The following UBXN7 variants were observed in gnomAD, a reference collection of about 807,000 sequenced individuals.
UBXN7 encodes UBX domain-containing protein 7.
UBXN7 carries 9 observed loss-of-function variants against 58.0 expected under a neutral mutation model. That is an observed-to-expected ratio of 0.16 (90% CI 0.09 to 0.27). The LOEUF (loss-of-function observed/expected upper bound fraction) is 0.27, where lower values mean the gene tolerates loss of function less well. UBXN7 is among the 10% of genes least tolerant of loss of function. The pLI is 1.00. For synonymous variants in UBXN7, 208 were observed against 205.0 expected, an observed-to-expected ratio of 1.01 and a Z score of -0.12; for missense variants, 328 against 599.6, an observed-to-expected ratio of 0.55 and a Z score of 4.73.
intron 8 of UBXN7, among the ~76,000 whole-genome samples, chr3:196,364,090 T>C (rs1027464504): frequency 1.3e-5 from 2 of 152,218 alleles, no homozygotes; most frequent in African/African-American, 4.8e-5. Context: ...ATTCTTCAAC[T>C]AGTAATTCCA....
chr3:196,413,323 A>T (rs1255759469), intron 1 of UBXN7, among the ~76,000 whole-genome samples: 1 of 152,086 alleles, frequency 6.6e-6, no homozygotes, highest in Non-Finnish European at 1.5e-5. Context: ...GGGCAACAAG[A>T]GCGAAACTCT....
chr3:196,385,476 G>A (rs948781852), intron 5 of UBXN7, among the ~76,000 whole-genome samples: 19 of 151,750 alleles, frequency 1.3e-4, no homozygotes, highest in Non-Finnish European at 2.2e-4. Context: ...CATCTAGGAA[G>A]TGAGGAGCGT....
intron 5 of UBXN7, among the ~76,000 whole-genome samples, chr3:196,374,780 T>G (rs1238039217): frequency 6.9e-6 from 1 of 144,494 alleles, no homozygotes; most frequent in Non-Finnish European, 1.5e-5. Flanking sequence ...CTCAGGAGAC[T>G]GAGGCAGAAT....
Position 196,387,496 on chromosome 3 carries a change from CAGG to C in UBXN7, c.468+4314_468+4316del, listed in dbSNP as rs201574429. The stretch of plus-strand genomic sequence containing the variant: ...CAAAAGAAACTACCATTAGAGTGAA[CAGG>C]CAACCTACAGAATGGGAAAAAATTT... On this transcript the variant is annotated intron_variant, in intron 5 of 10. Transcript: ENST00000296328. Among the ~76,000 whole-genome samples, 999 of 152,252 alleles carry C rather than the reference CAGG, an allele frequency of 6.6e-3. 7 individuals carry two copies. Among genetic ancestry groups the C allele is most frequent in the Non-Finnish European group, 1.0e-2 (677 of 68,014 alleles).
In UBXN7 at chr3:196,349,808, T is replaced by A. The variant is rs1188661963; in HGVS notation, c.*6877A>T. 1 of 152,240 alleles carries A rather than the reference T, an allele frequency of 6.6e-6. No individual in the cohort carries two copies. The highest frequency in any genetic ancestry group is 1.5e-5 in the Non-Finnish European group (1 of 68,042). The allele number at this position is 152,240 out of a possible 1,614,324, so 9.4% of individuals were successfully genotyped here. On this transcript the variant is annotated 3_prime_UTR_variant, in exon 11 of 11. Coordinates refer to ENST00000296328, the MANE Select transcript of UBXN7 (RefSeq NM_015562.2). Reference sequence around the variant, plus strand: ...GATTTGATATGTTTCCCATTTATCATGTCTAAAAAATGAATGACTCATGCT... The same window carrying A: ...GATTTGATATGTTTCCCATTTATCAAGTCTAAAAAATGAATGACTCATGCT...
chr3:196,398,516 ATC>A (rs1313499563), intron 3 of UBXN7, among the ~76,000 whole-genome samples: 2 of 152,224 alleles, frequency 1.3e-5, no homozygotes, highest in African/African-American at 4.8e-5. Context: ...TTTAAAAATC[ATC>A]TGTTTCATGT....
intron 10 of UBXN7, among the ~76,000 whole-genome samples, chr3:196,358,499 G>T (rs1048290542): frequency 6.6e-6 from 1 of 152,170 alleles, no homozygotes; most frequent in African/African-American, 2.4e-5. Context: ...ACTTTGGGAG[G>T]CTGGGGAAGG....
intron 1 of UBXN7, chr3:196,423,419 C>T: frequency 3.7e-6 from 1 of 271,842 alleles, no homozygotes; most frequent in Non-Finnish European, 7.6e-6. Context: ...CTGGCCCCCT[C>T]ATCCGCTCCA....
rs1728169295 is a variant in UBXN7 at position 196,349,717 on chromosome 3, G to GA, written c.*6967dup. 6.6e-6 allele frequency: 1 copy of GA among 152,032 alleles called. No individual in the cohort carries two copies. Among genetic ancestry groups the GA allele is most frequent in the East Asian group, 1.9e-4 (1 of 5,190 alleles). The allele number at this position is 152,032 out of a possible 1,614,324, so 9.4% of individuals were successfully genotyped here. On this transcript the variant is annotated 3_prime_UTR_variant, in exon 11 of 11. Transcript: ENST00000296328. ...GTTAAGAGTTCCATACTGAGTCTAT[G>GA]AAAAAAGCAAATTAAAAAGATTTTA...
intron 1 of UBXN7, among the ~76,000 whole-genome samples, chr3:196,414,946 GAAGGA>G (rs1730435640): frequency 6.6e-6 from 1 of 152,032 alleles, no homozygotes; most frequent in South Asian, 2.1e-4. Flanking sequence ...GCAACTTTTT[GAAGGA>G]AAGGAAAAGT....
chr3:196,394,605 A>G (rs549927904), intron 3 of UBXN7, among the ~76,000 whole-genome samples: 1 of 143,708 alleles, frequency 7.0e-6, no homozygotes, highest in South Asian at 2.1e-4. Flanking sequence ...CTCCGTCTCA[A>G]AAAAAAAAAA....
At chr3:196,374,941 GGAA>G (rs1728956404) in intron 5 of UBXN7, among the ~76,000 whole-genome samples, 1 of 18,036 alleles carries the variant, frequency 5.5e-5, no homozygotes, top group Non-Finnish European at 1.0e-4. Flanking sequence ...GAAGAAGGAA[GGAA>G]GGAAAGAAAG....
At chr3:196,416,239 A>C (rs1179983452) in intron 1 of UBXN7, 1 of 152,198 alleles carries the variant, frequency 6.6e-6, no homozygotes, top group African/African-American at 2.4e-5. Context: ...CAGGAGTTCA[A>C]GACCAGCCTG....
intron 6 of UBXN7, among the ~76,000 whole-genome samples, chr3:196,370,230 A>C (rs1020471632): frequency 2.0e-5 from 3 of 151,250 alleles, no homozygotes; most frequent in Non-Finnish European, 1.5e-5. Context: ...TGAGGCCAGG[A>C]GTTTGAGACC....
chr3:196,410,878 G>C (rs1730303707), intron 1 of UBXN7, among the ~76,000 whole-genome samples: 2 of 151,560 alleles, frequency 1.3e-5, no homozygotes, highest in South Asian at 4.2e-4. Flanking sequence ...ATAAATTCAA[G>C]TCTTTATGAT....
intron 5 of UBXN7, among the ~76,000 whole-genome samples, chr3:196,385,913 G>C (rs904176721): frequency 6.6e-6 from 1 of 152,198 alleles, no homozygotes. Context: ...CCATGATGAC[G>C]ATGGTGGTTT....
intron 10 of UBXN7, 41 bp downstream of exon 10, chr3:196,361,803 T>C (rs917314542): frequency 4.5e-6 from 7 of 1,555,398 alleles, no homozygotes; most frequent in South Asian, 1.2e-5. Context: ...ACTCGTCTTA[T>C]TGCAGTGGTC....
intron 10 of UBXN7, among the ~76,000 whole-genome samples, chr3:196,361,571 T>C (rs1486399530): frequency 1.3e-5 from 2 of 152,156 alleles, no homozygotes; most frequent in African/African-American, 4.8e-5. Flanking sequence ...ACTGCCACAG[T>C]ACCCATCACC....
chr3:196,406,429 C>T (rs1730164742), intron 2 of UBXN7, among the ~76,000 whole-genome samples: 1 of 151,780 alleles, frequency 6.6e-6, no homozygotes, highest in African/African-American at 2.4e-5. Flanking sequence ...AGAAAAAACT[C>T]TACACAATAT....
Sources: gnomAD v4.1 joint callset for allele counts (sites outside exome capture counted in the v4.1 genomes callset) on GRCh38, gnomAD v4.1.1 for gene constraint, MANE v1.5 for transcripts, NCBI Gene and HGNC (gene_info 2026-07-23, HGNC 2026-07-21) for gene names.